ASTN2: variants seen among roughly 807,000 people sequenced by gnomAD.
The protein encoded by ASTN2 is astrotactin 2, also known as astrotactin-2.
In ASTN2, 54 loss-of-function variants were observed where a neutral mutation model predicts 139.8. The observed-to-expected ratio is 0.39, with a 90% CI of 0.31 to 0.48. The LOEUF is 0.48. ASTN2 is among the 20% of genes least tolerant of loss of function. The pLI, the probability that ASTN2 is intolerant of heterozygous loss-of-function variation, is 0.95. For missense variants in ASTN2, 1,565 were observed against 1,725.1 expected (o/e 0.91, Z 1.64); for synonymous variants, 756 against 719.5 (o/e 1.05, Z -0.81).
intron 13 of ASTN2, among the ~76,000 whole-genome samples, chr9:116,756,120 G>A (rs577060361): frequency 6.6e-6 from 1 of 152,300 alleles, no homozygotes; most frequent in Non-Finnish European, 1.5e-5. Context: ...ATTGTTTGGG[G>A]CTTAGTTTGA....
At chr9:116,496,789 C>T (rs1465598891) in intron 19 of ASTN2, among the ~76,000 whole-genome samples, 5 of 152,318 alleles carry the variant, frequency 3.3e-5, no homozygotes, top group South Asian at 2.1e-4. Flanking sequence ...AGCAAAGGCA[C>T]GTCTTACGTG....
chr9:117,009,666 T>C (rs1291258399), intron 6 of ASTN2, among the ~76,000 whole-genome samples: 1 of 152,232 alleles, frequency 6.6e-6, no homozygotes, highest in African/African-American at 2.4e-5. Context: ...CTTCTCTCCT[T>C]GTTTCTACCT....
At chr9:117,132,640 T>C (rs997866740) in intron 4 of ASTN2, among the ~76,000 whole-genome samples, 1 of 152,170 alleles carries the variant, frequency 6.6e-6, no homozygotes, top group African/African-American at 2.4e-5. Flanking sequence ...GGAAGATTTA[T>C]GGAGGCAGTT....
intron 5 of ASTN2, among the ~76,000 whole-genome samples, chr9:117,047,893 T>C (rs1235406132): frequency 6.6e-6 from 1 of 152,270 alleles, no homozygotes; most frequent in Admixed American, 6.5e-5. Flanking sequence ...ACTAGTAACA[T>C]AGCCACTAAC....
chr9:117,080,574 A>C (rs943205195), intron 5 of ASTN2, among the ~76,000 whole-genome samples: 2 of 151,796 alleles, frequency 1.3e-5, no homozygotes, highest in Non-Finnish European at 2.9e-5. Context: ...ATGGGGAAAA[A>C]ATGAAATGAG....
chr9:116,674,756 C>T (rs1859402345), intron 16 of ASTN2, among the ~76,000 whole-genome samples: 1 of 152,102 alleles, frequency 6.6e-6, no homozygotes, highest in African/African-American at 2.4e-5. Flanking sequence ...GATCTTGTGG[C>T]CCTGGACTCA....
chr9:116,504,321 C>T (rs1850014435), intron 19 of ASTN2: 1 of 151,870 alleles, frequency 6.6e-6, no homozygotes, highest in Admixed American at 6.6e-5. Context: ...CATCTGACAT[C>T]GCCAGGATGG....
chr9:116,907,692 G>A (rs1317924489), intron 10 of ASTN2, among the ~76,000 whole-genome samples: 1 of 152,206 alleles, frequency 6.6e-6, no homozygotes, highest in African/African-American at 2.4e-5. Flanking sequence ...GGCTATGTAA[G>A]AGCAAGATCA....
intron 10 of ASTN2, among the ~76,000 whole-genome samples, chr9:116,916,529 C>T (rs1330797026): frequency 6.6e-6 from 1 of 152,148 alleles, no homozygotes; most frequent in Non-Finnish European, 1.5e-5. Flanking sequence ...GACCCTTTGG[C>T]CTACATTCCA....
At chr9:116,569,205 A>G (rs1853386529) in intron 19 of ASTN2, among the ~76,000 whole-genome samples, 1 of 152,222 alleles carries the variant, frequency 6.6e-6, no homozygotes, top group African/African-American at 2.4e-5. Flanking sequence ...CCTCGTTTGC[A>G]TGCCAATGGT....
intron 5 of ASTN2, among the ~76,000 whole-genome samples, chr9:117,049,841 T>C (rs1838863088): frequency 6.6e-6 from 1 of 152,216 alleles, no homozygotes; most frequent in Non-Finnish European, 1.5e-5. Flanking sequence ...TTTAGCAGGC[T>C]GACGAAATGC....
chr9:117,080,627 T>C (rs1828402929), intron 5 of ASTN2, among the ~76,000 whole-genome samples: 1 of 152,206 alleles, frequency 6.6e-6, no homozygotes, highest in African/African-American at 2.4e-5. Flanking sequence ...TATGTCCCTT[T>C]AGTAGAATTA....
intron 19 of ASTN2, among the ~76,000 whole-genome samples, chr9:116,572,628 A>G (rs935393636): frequency 1.3e-5 from 2 of 152,162 alleles, no homozygotes; most frequent in African/African-American, 4.8e-5. Context: ...GCATAAGCCA[A>G]CAAAATGTGT....
At chr9:116,733,084 A>G (rs372086821) in intron 14 of ASTN2, among the ~76,000 whole-genome samples, 3 of 152,210 alleles carry the variant, frequency 2.0e-5, no homozygotes. Flanking sequence ...AAAATTGTCA[A>G]TGAGAATGAA....
At chr9:116,983,274 C>T (rs961814653) in intron 7 of ASTN2, among the ~76,000 whole-genome samples, 21 of 152,132 alleles carry the variant, frequency 1.4e-4, no homozygotes, top group Admixed American at 6.5e-4. Flanking sequence ...GGGCCAGGCA[C>T]GTAGTGGGAA....
intron 3 of ASTN2, among the ~76,000 whole-genome samples, chr9:117,192,619 G>A (rs1831378704): frequency 6.6e-6 from 1 of 152,168 alleles, no homozygotes; most frequent in African/African-American, 2.4e-5. Context: ...ACCTAGTCTT[G>A]TTTGAATACT....
intron 10 of ASTN2, among the ~76,000 whole-genome samples, chr9:116,875,754 G>A (rs149184517): frequency 1.1e-4 from 16 of 152,288 alleles, no homozygotes; most frequent in African/African-American, 3.6e-4. Context: ...AAGCCCTAGG[G>A]CCTTTAAGAA....
intron 1 of ASTN2, among the ~76,000 whole-genome samples, chr9:117,313,678 C>G (rs1587938277): frequency 6.6e-6 from 1 of 152,098 alleles, no homozygotes; most frequent in African/African-American, 2.4e-5. Flanking sequence ...CCAAACTCCC[C>G]AAGCCAGGAG....
At chr9:117,005,366 C>T (rs187761640) in intron 7 of ASTN2, among the ~76,000 whole-genome samples, 124 of 151,770 alleles carry the variant, frequency 8.2e-4, no homozygotes, top group African/African-American at 2.2e-3. Context: ...GGATTACAGG[C>T]GAGAGTTCTT....
Sources: gnomAD v4.1 joint callset for allele counts (sites outside exome capture counted in the v4.1 genomes callset) on GRCh38, gnomAD v4.1.1 for gene constraint, MANE v1.5 for transcripts, NCBI Gene and HGNC (gene_info 2026-07-23, HGNC 2026-07-21) for gene names.